Variants in CDC25C observed in about 807,000 individuals in gnomAD.
The protein encoded by CDC25C is cell division cycle 25C, also known as M-phase inducer phosphatase 3.
A neutral mutation model predicts 52.5 loss-of-function variants in CDC25C; 48 were observed. That is an observed-to-expected ratio of 0.91 (90% CI 0.72 to 1.16). The LOEUF (loss-of-function observed/expected upper bound fraction) is 1.16. Ranked by LOEUF, CDC25C falls within the 50% of genes most tolerant of loss-of-function variation. The pLI is 0.00. For synonymous variants in CDC25C, 187 were observed against 206.5 expected (o/e 0.91, Z 0.81); for missense variants, 510 against 566.1 (o/e 0.90, Z 1.01).
chr5:138,306,507 A>C (rs1024161204), intron 7 of CDC25C, among the ~76,000 whole-genome samples: 4 of 151,946 alleles, frequency 2.6e-5, no homozygotes, highest in Admixed American at 1.3e-4. Flanking sequence ...ACAGGGTCTC[A>C]CTCTGTCACC....
intron 6 of CDC25C, among the ~76,000 whole-genome samples, chr5:138,322,576 C>T (rs1373163000): frequency 2.7e-5 from 4 of 145,464 alleles, no homozygotes; most frequent in Admixed American, 7.1e-5. Context: ...CCCGGGTTCA[C>T]GCCATTCTCC....
intron 7 of CDC25C, among the ~76,000 whole-genome samples, chr5:138,303,133 A>G (rs769582144): frequency 1.3e-5 from 2 of 152,198 alleles, no homozygotes; most frequent in Admixed American, 6.6e-5. Flanking sequence ...ACTAGGAAAT[A>G]GAAGGGAACT....
intron 7 of CDC25C, among the ~76,000 whole-genome samples, chr5:138,296,883 GC>G (rs1397342213): frequency 6.9e-6 from 1 of 145,854 alleles, no homozygotes; most frequent in African/African-American, 2.5e-5. Context: ...GGGATTACAG[GC>G]GTGAGCCACC....
At chr5:138,302,418 G>C (rs995552229) in intron 7 of CDC25C, among the ~76,000 whole-genome samples, 1 of 152,010 alleles carries the variant, frequency 6.6e-6, no homozygotes, top group Non-Finnish European at 1.5e-5. Context: ...CAAAAACGTA[G>C]GCCAGGCACA....
intron 7 of CDC25C, among the ~76,000 whole-genome samples, chr5:138,293,815 T>G (rs1756939032): frequency 6.6e-6 from 1 of 151,688 alleles, no homozygotes; most frequent in Non-Finnish European, 1.5e-5. Flanking sequence ...CCCAGCCAAT[T>G]TCTGTATTTT....
chr5:138,291,864 TAA>T, intron 8 of CDC25C, 104 bp downstream of exon 8: 1 of 825,026 alleles, frequency 1.2e-6, no homozygotes, highest in Non-Finnish European at 1.8e-6. Flanking sequence ...AAAGTAAAAG[TAA>T]AGAGGAAGAA....
At chr5:138,333,694 G>T (rs951433202), upstream of CDC25C, 4 of 152,098 alleles carry the variant, frequency 2.6e-5, no homozygotes, top group African/African-American at 9.7e-5. Context: ...ATAGATTATG[G>T]CAAGTGCACA....
exon 1 of CDC25C, chr5:138,338,067 A>G (rs563812450): frequency 1.6e-6 from 2 of 1,289,730 alleles, no homozygotes; most frequent in African/African-American, 1.5e-5. Flanking sequence ...AACCACCCCC[A>G]TCCCTAAATC....
chr5:138,295,651 T>C (rs1041498709), intron 7 of CDC25C, among the ~76,000 whole-genome samples: 1 of 151,812 alleles, frequency 6.6e-6, no homozygotes, highest in Non-Finnish European at 1.5e-5. Context: ...AGCAAGCTAC[T>C]TCTTTCCTAT....
upstream of CDC25C, chr5:138,333,645 A>G (rs1006972039): frequency 6.6e-6 from 1 of 152,252 alleles, no homozygotes; most frequent in Non-Finnish European, 1.5e-5. Context: ...GCAGGTGGGA[A>G]GTAGAGACAA....
chr5:138,292,181 C>A (rs914786807), intron 7 of CDC25C, 65 bp from the exon 8 acceptor site: 6 of 1,309,626 alleles, frequency 4.6e-6, no homozygotes, highest in Middle Eastern at 1.9e-4. Context: ...CCTGCAGCAA[C>A]AACATCTCCT....
rs1475157378 is a variant in CDC25C, at chr5:138,331,063, T to C, written c.118A>G (p.Thr40Ala). 2.5e-6 allele frequency: 4 copies of C among 1,614,178 alleles called. No homozygotes were observed. In the East Asian group the frequency reaches 8.9e-5, roughly 36 times the overall value. ...GTTCTAGGGACATCTGGACAGACGG[T>C]AAAGGAAGTGTCTCTCTCCAGGAGC... The part of the protein sequence containing the change: ...NLLLERDTSF[T>A]VCPDVPRTPV... The change falls in exon 2 of 14, where the codon ACC becomes GCC. Residue 40 changes from threonine (T) to alanine (A), a missense_variant. By Grantham distance (58) the Thr-to-Ala change is moderately conservative (BLOSUM62 0). Coordinates refer to ENST00000323760, the MANE Select transcript of CDC25C (RefSeq NM_001790.5).
intron 7 of CDC25C, among the ~76,000 whole-genome samples, chr5:138,313,983 CTTTCTTTCTTTCT>C (rs1758655997): frequency 2.0e-5 from 2 of 100,396 alleles, no homozygotes; most frequent in African/African-American, 3.3e-5. Flanking sequence ...TTCTTTCTTT[CTTTCTTTCTTTCT>C]TTTTTTTTTT....
upstream of CDC25C, among the ~76,000 whole-genome samples, chr5:138,336,343 G>T: frequency 6.6e-6 from 1 of 152,052 alleles, no homozygotes; most frequent in South Asian, 2.1e-4. Flanking sequence ...TTTGTTGCCA[G>T]GCTGGTCTCG....
intron 7 of CDC25C, among the ~76,000 whole-genome samples, chr5:138,307,770 A>G (rs2126738879): frequency 6.6e-6 from 1 of 152,224 alleles, no homozygotes; most frequent in African/African-American, 2.4e-5. Context: ...TAAAACAAAA[A>G]TCAAATAAAT....
intron 7 of CDC25C, among the ~76,000 whole-genome samples, chr5:138,298,062 G>A (rs1273551872): frequency 2.0e-5 from 3 of 151,098 alleles, no homozygotes; most frequent in Admixed American, 6.6e-5. Context: ...GCAGTGGCAT[G>A]ATCACAGCTC....
At chr5:138,287,514 G>C (rs1756353182) in intron 10 of CDC25C, among the ~76,000 whole-genome samples, 1 of 152,194 alleles carries the variant, frequency 6.6e-6, no homozygotes, top group Middle Eastern at 3.2e-3. Flanking sequence ...ACCATATTCA[G>C]GCTACCCATC....
At chr5:138,288,500 C>T (rs572981691) in intron 10 of CDC25C, among the ~76,000 whole-genome samples, 4 of 152,164 alleles carry the variant, frequency 2.6e-5, no homozygotes, top group African/African-American at 9.6e-5. Context: ...AGTTTGAAAC[C>T]AGCCTGACCA....
At chr5:138,303,599 T>C (rs530192462) in intron 7 of CDC25C, among the ~76,000 whole-genome samples, 23 of 152,304 alleles carry the variant, frequency 1.5e-4, no homozygotes, top group African/African-American at 4.1e-4. Flanking sequence ...TCATTCCTCC[T>C]GACATCTGCT....
Sources: gnomAD v4.1 joint callset for allele counts (sites outside exome capture counted in the v4.1 genomes callset) on GRCh38, gnomAD v4.1.1 for gene constraint, MANE v1.5 for transcripts, NCBI Gene and HGNC (gene_info 2026-07-23, HGNC 2026-07-21) for gene names.